The following ZBBX variants were observed in gnomAD, a reference collection of about 807,000 sequenced individuals.
ZBBX encodes zinc finger B-box domain-containing protein 1.
In ZBBX, 101 loss-of-function variants were observed where a neutral mutation model predicts 108.5. The ratio of observed to expected loss-of-function variants is 0.93; its 90% CI spans 0.79 to 1.10. The LOEUF (loss-of-function observed/expected upper bound fraction) is 1.10, where lower values mean the gene tolerates loss of function less well. Among genes scored for constraint, ZBBX ranks in the 50% least tolerant of loss-of-function variants. The pLI, the probability that ZBBX is intolerant of heterozygous loss-of-function variation, is 0.00. For synonymous variants in ZBBX, 356 were observed against 323.4 expected, an observed-to-expected ratio of 1.10 and a Z score of -1.08; for missense variants, 1,009 against 941.4, an observed-to-expected ratio of 1.07 and a Z score of -0.94.
intron 17 of ZBBX, among the ~76,000 whole-genome samples, chr3:167,300,893 G>A (rs1732540993): frequency 6.6e-6 from 1 of 150,406 alleles, no homozygotes; most frequent in Admixed American, 6.6e-5. Flanking sequence ...TGGGATTACA[G>A]GCGTGAGCCA....
At position 167,240,960 on chromosome 3, in the gene ZBBX, C is replaced by G. The variant is rs530606726; in HGVS notation, c.2394-41G>C. On this transcript the variant is annotated intron_variant, in intron 21 of 21. Coordinates refer to ENST00000675490, the MANE Select transcript of ZBBX (RefSeq NM_001199201.2). ...AAGATCAATACACAATATACAGAAC[C>G]GGGTTTCAACTCTTCATTTATCTTC... 73 of 1,599,422 alleles carry G rather than the reference C, an allele frequency of 4.6e-5. No individual in the cohort carries two copies. The East Asian group carries it at 1.5e-3, about 32-fold the overall frequency.
the ZBBX span, among the ~76,000 whole-genome samples, chr3:167,191,934 T>TATAGAGAGAGAGAGAGAGAGAGAGAGAG: frequency 3.8e-5 from 5 of 130,222 alleles, no homozygotes; most frequent in African/African-American, 1.5e-4. Context: ...TATATATATA[T>TATAGAGAGAGAGAGAGAGAGAGAGAGAG]AGAGCAAGTT....
At chr3:167,333,791 T>A in intron 10 of ZBBX, 36 bp downstream of exon 10, 1 of 1,517,332 alleles carries the variant, frequency 6.6e-7, no homozygotes, top group Non-Finnish European at 8.8e-7. Context: ...TAGTTACATA[T>A]GTCAGAAAAT....
rs540878576 is a variant in ZBBX at position 167,306,012 on chromosome 3, T to C, written c.1418-62A>G. On this transcript the variant is annotated intron_variant, in intron 16 of 21. Coordinates refer to ENST00000675490, the MANE Select transcript of ZBBX (RefSeq NM_001199201.2). ...AAATTTAAACAAATAATTAAACTGT[T>C]AATAAACCAAAAGTTCTGTGGTAAA... is the stretch of plus-strand genomic sequence containing the variant. 2.9e-5 allele frequency: 38 copies of C among 1,306,378 alleles called. No homozygotes were observed. In the Admixed American group the frequency reaches 1.3e-3, roughly 43 times the overall value. The allele number at this position is 1,306,378 out of a possible 1,614,324, so 80.9% of individuals were successfully genotyped here.
chr3:167,288,866 C>T lies in ZBBX; in HGVS notation c.1996+1G>A. On this transcript the variant is annotated splice_donor_variant, in intron 19 of 21. Coordinates refer to ENST00000675490, the MANE Select transcript of ZBBX (RefSeq NM_001199201.2). LOFTEE classifies it high-confidence loss of function. ...CACTGCTGCCTTTGAGTCAATGTTA[C>T]CCATCTTTTGCTGTTTTCTACTTGA... 1 of 1,527,896 alleles carries T rather than the reference C, an allele frequency of 6.5e-7. No individual in the cohort carries two copies. Among genetic ancestry groups the T allele is most frequent in the South Asian group, 1.2e-5 (1 of 80,224 alleles). 94.6% of individuals were successfully genotyped at this position (1,527,896 alleles called of 1,614,324 possible).
intron 6 of ZBBX, among the ~76,000 whole-genome samples, chr3:167,362,150 C>T (rs773662126): frequency 1.6e-4 from 25 of 152,014 alleles, no homozygotes; most frequent in East Asian, 3.9e-4. Context: ...CACATATATG[C>T]GCATGTACAT....
At chr3:167,315,869 A>G in intron 14 of ZBBX, 40 bp from the exon 15 acceptor site, 2 of 1,332,588 alleles carry the variant, frequency 1.5e-6, no homozygotes, top group Non-Finnish European at 1.0e-6. Context: ...TAAGTTCATA[A>G]AAATTTATTA....
At chr3:167,187,842 T>TA in the ZBBX span, among the ~76,000 whole-genome samples, 2 of 152,152 alleles carry the variant, frequency 1.3e-5, no homozygotes, top group African/African-American at 4.8e-5. Context: ...TATGAAAACT[T>TA]ACATATGGTT....
At chr3:167,255,612 T>C (rs1358244578) in intron 20 of ZBBX, among the ~76,000 whole-genome samples, 1 of 152,076 alleles carries the variant, frequency 6.6e-6, no homozygotes, top group Non-Finnish European at 1.5e-5. Flanking sequence ...TAGTTAGAAA[T>C]GGCCTCCATT....
chr3:167,217,034 G>A, the ZBBX span, among the ~76,000 whole-genome samples: 118 of 152,158 alleles, frequency 7.8e-4, 1 homozygote, highest in African/African-American at 2.8e-3. Flanking sequence ...AGACAACCTT[G>A]GTAACACAAT....
At chr3:167,397,142 T>TAAAGA (rs564543826) in intron 1 of ZBBX, among the ~76,000 whole-genome samples, 1 of 72,428 alleles carries the variant, frequency 1.4e-5, no homozygotes, top group African/African-American at 5.3e-5. Context: ...TTCTTGGTGG[T>TAAAGA]AAAAAAAAAA....
chr3:167,252,314 G>T, intron 20 of ZBBX: 1 of 669,818 alleles, frequency 1.5e-6, no homozygotes, highest in Non-Finnish European at 2.3e-6. Flanking sequence ...CCAGTGGTGT[G>T]GAGGTGTATG....
At chr3:167,315,381 G>A (rs943734840) in intron 15 of ZBBX, among the ~76,000 whole-genome samples, 1 of 151,938 alleles carries the variant, frequency 6.6e-6, no homozygotes, top group Admixed American at 6.6e-5. Flanking sequence ...TTTATTTAGG[G>A]TTCATAGAAA....
the ZBBX span, among the ~76,000 whole-genome samples, chr3:167,224,459 G>T: frequency 6.6e-6 from 1 of 151,896 alleles, no homozygotes; most frequent in Non-Finnish European, 1.5e-5. Flanking sequence ...GAGAATGGAT[G>T]TTAAGTGTTC....
intron 17 of ZBBX, among the ~76,000 whole-genome samples, chr3:167,303,187 G>A (rs13083207): frequency 0.44 from 66,232 of 151,842 alleles, 14,649 homozygotes; most frequent in African/African-American, 0.47. Context: ...GATTTTCTAT[G>A]GTCCCCTTTT....
chr3:167,368,569 G>T lies in ZBBX; in HGVS notation c.74C>A (p.Ala25Asp). 1 of 1,605,536 alleles carries T rather than the reference G, an allele frequency of 6.2e-7. No individual in the cohort carries two copies. The highest frequency in any genetic ancestry group is 8.5e-7 in the Non-Finnish European group (1 of 1,175,760). The change falls in exon 5 of 22, where the codon GCT becomes GAT. Residue 25 changes from alanine (A) to aspartate (D), a missense_variant. By Grantham distance (126) the Ala-to-Asp change is moderately radical. Coordinates refer to ENST00000675490, the MANE Select transcript of ZBBX (RefSeq NM_001199201.2). Reference protein sequence around the residue: ...GNSVKLKYRNAQELRMEKVQL... With the variant: ...GNSVKLKYRNDQELRMEKVQL... ...TACTTTCTCCATTCGCAGTTCTTGA[G>T]CATTTCTGAAGACATAAGATTTAAA...
chr3:167,330,862 G>GAAGAAGAAGAAGAAGAAGA (rs1560135987), intron 10 of ZBBX, among the ~76,000 whole-genome samples: 7 of 13,568 alleles, frequency 5.2e-4, no homozygotes, highest in Admixed American at 4.2e-3. Context: ...GGAGGAGGAG[G>GAAGAAGAAGAAGAAGAAGA]AGGAGGAGGA....
At chr3:167,246,856 G>A (rs1328925937) in intron 20 of ZBBX, among the ~76,000 whole-genome samples, 1 of 152,206 alleles carries the variant, frequency 6.6e-6, no homozygotes, top group Non-Finnish European at 1.5e-5. Context: ...GGAAGGAATA[G>A]TAAGTGGCAT....
chr3:167,281,219 A>T (rs574594192), intron 20 of ZBBX, among the ~76,000 whole-genome samples: 1 of 152,306 alleles, frequency 6.6e-6, no homozygotes, highest in South Asian at 2.1e-4. Flanking sequence ...AGCATGGCAC[A>T]TTGTGCACAG....
Sources: gnomAD v4.1 joint callset for allele counts (sites outside exome capture counted in the v4.1 genomes callset) on GRCh38, gnomAD v4.1.1 for gene constraint, MANE v1.5 for transcripts, NCBI Gene and HGNC (gene_info 2026-07-23, HGNC 2026-07-21) for gene names.